MAP1S: variants seen among roughly 807,000 people sequenced by gnomAD.
The protein encoded by MAP1S is microtubule-associated protein 1S.
In MAP1S, 27 loss-of-function variants were observed where a neutral mutation model predicts 60.9. That is an observed-to-expected ratio of 0.44 (90% CI 0.33 to 0.61). The LOEUF is 0.61. Ranked by LOEUF, MAP1S falls within the 20% of genes least tolerant of loss-of-function variation. The pLI, the probability that MAP1S is intolerant of heterozygous loss-of-function variation, is 0.03. For missense variants in MAP1S, 1,608 were observed against 1,486.6 expected (o/e 1.08, Z -1.34); for synonymous variants, 826 against 694.2 (o/e 1.19, Z -2.98).
chr19:17,723,652 T>C (rs1163157266), intron 2 of MAP1S, among the ~76,000 whole-genome samples: 2 of 151,956 alleles, frequency 1.3e-5, no homozygotes, highest in Admixed American at 6.5e-5. Context: ...ATATGGAGAC[T>C]ATCCTGGCTT....
Position 17,725,119 on chromosome 19 carries a change from C to T in MAP1S, c.374C>T (p.Thr125Met), listed in dbSNP as rs779553894. 1.2e-6 allele frequency: 2 copies of T among 1,613,964 alleles called. No individual in the cohort carries two copies. Among genetic ancestry groups the T allele is most frequent in the African/African-American group, 1.3e-5 (1 of 74,886 alleles). The change falls in exon 4 of 7, where the codon ACG becomes ATG. Residue 125 changes from threonine to methionine, a missense_variant. Physicochemically the swap from Thr to Met is moderately conservative, Grantham distance 81. Coordinates refer to ENST00000324096, the MANE Select transcript of MAP1S (RefSeq NM_018174.6). The surrounding 1 kb of genome is among the most constrained non-coding windows in gnomAD (Gnocchi z 4.2). ...LVLAGPCLEE[T>M]GELLLQTGGF... ...TTGGCTGGGCCCTGCCTGGAGGAGA[C>T]GGGGGAGCTGCTGCTACAGACAGGG...
chr19:17,726,676 T>C lies in MAP1S; in HGVS notation c.1292T>C (p.Leu431Pro). 2 of 1,583,680 alleles carry C rather than the reference T, an allele frequency of 1.3e-6. No homozygotes were observed. The highest frequency in any genetic ancestry group is 1.7e-6 in the Non-Finnish European group (2 of 1,168,948). Reference protein sequence around the residue: ...AGPGEKVVRVLFPGCTPPACL... With the variant: ...AGPGEKVVRVPFPGCTPPACL... ...CCCGGCGAGAAGGTGGTGCGCGTGC[T>C]GTTCCCCGGTTGCACCCCGCCCGCC... The change falls in exon 5 of 7, where the codon CTG becomes CCG. Residue 431 changes from leucine (L) to proline (P), a missense_variant. By Grantham distance (98) the Leu-to-Pro change is moderately conservative. Coordinates refer to ENST00000324096, the MANE Select transcript of MAP1S (RefSeq NM_018174.6).
At position 17,725,033 on chromosome 19, in the gene MAP1S, TC is replaced by T; in HGVS notation, c.304-15del. 1 of 1,614,134 alleles carries T rather than the reference TC, an allele frequency of 6.2e-7. No individual in the cohort carries two copies. On this transcript the variant is annotated splice_polypyrimidine_tract_variant and intron_variant, in intron 3 of 6. Transcript: ENST00000324096. The surrounding 1 kb of genome is among the most constrained non-coding windows in gnomAD (Gnocchi z 4.2). ...CTGCACAGAACGGGTCCTTTAGTGT[TC>T]ACCCCCTCCCTCAGCTCCGGAACCT...
rs112128027 is a variant in MAP1S at position 17,720,878 on chromosome 19, T to A, written c.119-58T>A. 5 of 1,337,062 alleles carry A rather than the reference T, an allele frequency of 3.7e-6. No homozygotes were observed. In the Admixed American group the frequency reaches 6.7e-5, roughly 18 times the overall value. The allele number at this position is 1,337,062 out of a possible 1,614,324, so 82.8% of individuals were successfully genotyped here. A position where few individuals can be genotyped will look rare whatever the true frequency, so the allele number is the denominator to read the frequency against. On this transcript the variant is annotated intron_variant, in intron 1 of 6. Transcript: ENST00000324096. Reference sequence around the variant, plus strand: ...ACCCACGGGGTGCTAATTATTGAAATATTCTGGGAGCTGGGGGGCCCGGCT... The same window carrying A: ...ACCCACGGGGTGCTAATTATTGAAAAATTCTGGGAGCTGGGGGGCCCGGCT...
At chr19:17,720,036 C>G (rs1473422957) in intron 1 of MAP1S, 4 of 825,812 alleles carry the variant, frequency 4.8e-6, no homozygotes, top group Non-Finnish European at 6.1e-6. Flanking sequence ...GAGGGAGAAG[C>G]AGATATGGGG....
Position 17,721,049 on chromosome 19 carries a change from G to T in MAP1S, c.220+12G>T, listed in dbSNP as rs773651551. 3 of 1,611,326 alleles carry T rather than the reference G, an allele frequency of 1.9e-6. No homozygotes were observed. Among genetic ancestry groups the T allele is most frequent in the South Asian group, 1.1e-5 (1 of 91,036 alleles). ...CAGCATTGTGAAAGGTGAGGCTGGG[G>T]TCCCCCTGACTGCTCCCTACCTCTT... On this transcript the variant is annotated intron_variant, in intron 2 of 6. Coordinates refer to ENST00000324096, the MANE Select transcript of MAP1S (RefSeq NM_018174.6).
chr19:17,721,192 C>T (rs748102151), intron 2 of MAP1S, 155 bp downstream of exon 2: 14 of 692,280 alleles, frequency 2.0e-5, no homozygotes, highest in African/African-American at 8.8e-5. Context: ...CAGTGATAAC[C>T]CCCTCAGTCC....
At chr19:17,720,040 T>G in intron 1 of MAP1S, 21 of 841,996 alleles carry the variant, frequency 2.5e-5, no homozygotes, top group East Asian at 7.9e-5. Context: ...GAGAAGCAGA[T>G]ATGGGGGAGG....
intron 1 of MAP1S, chr19:17,720,570 G>A (rs571418231): frequency 7.2e-7 from 1 of 1,394,188 alleles, no homozygotes; most frequent in African/African-American, 1.4e-5. Flanking sequence ...AGGGGGAAGG[G>A]CCCCCTGGCC....
Position 17,724,184 on chromosome 19 carries a change from A to G in MAP1S, c.279A>G (p.Pro93=), listed in dbSNP as rs374690166. 55 of 1,613,842 alleles carry G rather than the reference A, an allele frequency of 3.4e-5. No individual in the cohort carries two copies. The highest frequency in any genetic ancestry group is 4.5e-5 in the Non-Finnish European group (53 of 1,179,972). The change falls in exon 3 of 7, where the codon CCA becomes CCG. Residue 93 remains proline (P), a synonymous_variant. Transcript: ENST00000324096. Reference sequence around the variant, plus strand: ...TGGAGACCCTGGTCCTCCTGAACCCATCAGACAAGTCCCTGTATGATGAGG... The same window carrying G: ...TGGAGACCCTGGTCCTCCTGAACCCGTCAGACAAGTCCCTGTATGATGAGG... The part of the protein sequence containing the change: ...DNLETLVLLN[P]SDKSLYDELR...
intron 1 of MAP1S, chr19:17,720,673 C>T (rs1312404167): frequency 1.5e-6 from 1 of 669,372 alleles, no homozygotes; most frequent in African/African-American, 1.8e-5. Context: ...TCTGGCAGGG[C>T]ATAGGAGCAG....
Position 17,727,958 on chromosome 19 carries a change from C to A in MAP1S, c.2574C>A (p.Asn858Lys), listed in dbSNP as rs1382180475. Reference protein sequence around the residue: ...LPPKTARQTENVSRTRKPLAR... With the variant: ...LPPKTARQTEKVSRTRKPLAR... The stretch of plus-strand genomic sequence containing the variant: ...CCAAGACAGCACGGCAAACGGAGAA[C>A]GTCAGCCGCACCCGGAAGCCCCTGG... The change falls in exon 5 of 7, where the codon AAC becomes AAA. Residue 858 changes from asparagine to lysine, a missense_variant. By Grantham distance (94) the Asn-to-Lys change is moderately conservative. Transcript: ENST00000324096. This position sits in a 1 kb window ranked among gnomAD's most constrained non-coding sequence, Gnocchi z 4.1. The A allele has an allele frequency of 2.5e-6, 4 of 1,607,360 alleles. No individual in the cohort carries two copies. In the South Asian group the frequency reaches 3.3e-5, roughly 13 times the overall value.
chr19:17,732,110 C>G (rs560513071), intron 5 of MAP1S, among the ~76,000 whole-genome samples: 16 of 152,186 alleles, frequency 1.1e-4, no homozygotes, highest in African/African-American at 3.9e-4. Flanking sequence ...TTCAGTTCCT[C>G]GGAAAAGTTT....
chr19:17,724,678 C>T (rs960325388), intron 3 of MAP1S, among the ~76,000 whole-genome samples: 2 of 152,190 alleles, frequency 1.3e-5, no homozygotes, highest in African/African-American at 2.4e-5. Flanking sequence ...TCAACTTTTC[C>T]CTTTTGTTCC....
rs2080351732 is a variant in MAP1S, at chr19:17,719,535, G to A, written c.33G>A (p.Ala11=). Residue 11 remains alanine (A), a synonymous_variant, in exon 1 of 7, where the codon GCG becomes GCA. Transcript: ENST00000324096. ...CGGTGGCTGGATCTGGGGCTGCCGC[G>A]GCTCCGAGCTCACTGCTCCTCGTGG... The part of the protein sequence containing the change: MAAVAGSGAA[A]APSSLLLVVG... 3 of 1,246,048 alleles carry A rather than the reference G, an allele frequency of 2.4e-6. No homozygotes were observed. Among genetic ancestry groups the A allele is most frequent in the African/African-American group, 1.6e-5 (1 of 64,404 alleles). The allele number at this position is 1,246,048 out of a possible 1,614,324, so 77.2% of individuals were successfully genotyped here.
rs768423889 is a variant in MAP1S at position 17,726,179 on chromosome 19, C to T, written c.795C>T (p.Val265=). ...CCGTCAATGGCTTCACTGTGCTGGT[C>T]AACGGTGGCTCAAACCCCAAGTCCA... ...FFAVNGFTVL[V]NGGSNPKSSF... Residue 265 remains valine, a synonymous_variant, in exon 5 of 7, where the codon GTC becomes GTT. Transcript: ENST00000324096. 6.8e-6 allele frequency: 11 copies of T among 1,612,798 alleles called. No homozygotes were observed. Among genetic ancestry groups the T allele is most frequent in the Non-Finnish European group, 9.3e-6 (11 of 1,179,600 alleles).
Position 17,724,224 on chromosome 19 carries a change from C to G in MAP1S, c.303+16C>G. 6.8e-6 allele frequency: 11 copies of G among 1,610,270 alleles called. No individual in the cohort carries two copies. Among genetic ancestry groups the G allele is most frequent in the Non-Finnish European group, 9.3e-6 (11 of 1,176,780 alleles). ...GTATGATGAGGTAGGGAATGGCTGA[C>G]GTCCTGGAGGGGGCGGGCTGCTGGG... is the stretch of plus-strand genomic sequence containing the variant. On this transcript the variant is annotated intron_variant, in intron 3 of 6. Transcript: ENST00000324096.
At chr19:17,722,878 GA>G (rs1415099341) in intron 2 of MAP1S, among the ~76,000 whole-genome samples, 3 of 149,896 alleles carry the variant, frequency 2.0e-5, no homozygotes, top group Non-Finnish European at 4.4e-5. Context: ...GGAAAGAAAG[GA>G]AAGAAAGTTA....
chr19:17,724,386 G>A (rs1047013317), intron 3 of MAP1S, among the ~76,000 whole-genome samples, 178 bp downstream of exon 3: 1 of 152,140 alleles, frequency 6.6e-6, no homozygotes, highest in Admixed American at 6.6e-5. Context: ...TCCCTCCTCT[G>A]GGGTGGGAGC....
Sources: gnomAD v4.1 joint callset for allele counts (sites outside exome capture counted in the v4.1 genomes callset) on GRCh38, gnomAD v4.1.1 for gene constraint, Gnocchi (gnomAD v3.1) non-coding constraint, MANE v1.5 for transcripts, NCBI Gene and HGNC (gene_info 2026-07-23, HGNC 2026-07-21) for gene names.